The following CAB39 variants were observed in gnomAD, a reference collection of about 807,000 sequenced individuals.
CAB39 encodes calcium-binding protein 39.
In CAB39, 8 loss-of-function variants were observed where a neutral mutation model predicts 40.0. The ratio of observed to expected loss-of-function variants is 0.20; its 90% confidence interval spans 0.12 to 0.36. The LOEUF (loss-of-function observed/expected upper bound fraction) is 0.36, where lower values mean the gene tolerates loss of function less well. Among genes scored for constraint, CAB39 ranks in the 10% least tolerant of loss-of-function variants. CAB39 has a pLI of 1.00. For missense variants in CAB39, 270 were observed against 401.1 expected (o/e 0.67, Z 2.79); for synonymous variants, 156 against 141.6 (o/e 1.10, Z -0.72).
rs1696452473 is a variant in CAB39 at position 230,818,869 on chromosome 2, C to G, written c.*165C>G. ...TTTCAGTCCAGGTTGGAGATCGTAG[C>G]TGCTGCTGCTTGCACACTAGGGCAC... On this transcript the variant is annotated 3_prime_UTR_variant, in exon 9 of 9. Transcript: ENST00000258418. 3 of 568,452 alleles carry G rather than the reference C, an allele frequency of 5.3e-6. No homozygotes were observed. 35.2% of individuals were successfully genotyped at this position (568,452 alleles called of 1,614,324 possible). A position where few individuals can be genotyped will look rare whatever the true frequency, so the allele number is the denominator to read the frequency against.
intron 4 of CAB39, among the ~76,000 whole-genome samples, chr2:230,794,259 G>A (rs927818840): frequency 2.6e-5 from 4 of 152,060 alleles, no homozygotes; most frequent in Admixed American, 6.6e-5. Flanking sequence ...TGTGTTGCAC[G>A]CCAGCGTTCT....
At chr2:230,723,599 G>A (rs1407186538) in intron 1 of CAB39, among the ~76,000 whole-genome samples, 1 of 152,118 alleles carries the variant, frequency 6.6e-6, no homozygotes, top group Non-Finnish European at 1.5e-5. Context: ...CACTGTCCTT[G>A]AAGGACCATG....
intron 1 of CAB39, among the ~76,000 whole-genome samples, chr2:230,716,489 A>G (rs1694352196): frequency 1.3e-5 from 2 of 152,192 alleles, no homozygotes; most frequent in Admixed American, 6.5e-5. Flanking sequence ...TAGTAGGACG[A>G]ATTTTGTTTC....
At chr2:230,753,606 G>GC (rs942736617) in intron 1 of CAB39, among the ~76,000 whole-genome samples, 5 of 151,976 alleles carry the variant, frequency 3.3e-5, no homozygotes, top group African/African-American at 1.2e-4. Flanking sequence ...AATTAGCCAG[G>GC]CATGGTGGTA....
intron 1 of CAB39, among the ~76,000 whole-genome samples, chr2:230,717,141 A>G (rs531370018): frequency 6.6e-6 from 1 of 152,346 alleles, no homozygotes; most frequent in African/African-American, 2.4e-5. Context: ...ATTAATTTGG[A>G]TAACAGAAAA....
At chr2:230,810,120 T>A (rs930230815) in intron 5 of CAB39, 143 bp from the exon 6 acceptor site, 1 of 511,690 alleles carries the variant, frequency 2.0e-6, no homozygotes, top group African/African-American at 2.0e-5. Flanking sequence ...ATAGAATCAG[T>A]GTTTTAATAC....
chr2:230,794,181 T>G (rs1399321843), intron 4 of CAB39, among the ~76,000 whole-genome samples: 1 of 152,244 alleles, frequency 6.6e-6, no homozygotes, highest in Non-Finnish European at 1.5e-5. Flanking sequence ...CTCAGTCTGA[T>G]TCACGTCTCT....
rs150800239 is a variant in CAB39 at position 230,812,512 on chromosome 2, G to A, written c.628-1537G>A. Among the ~76,000 whole-genome samples the A allele has an allele frequency of 3.5e-3, 535 of 152,314 alleles. 2 individuals carry two copies. Among genetic ancestry groups the A allele is most frequent in the Middle Eastern group, 6.8e-3 (2 of 294 alleles). On this transcript the variant is annotated intron_variant, in intron 6 of 8. Transcript: ENST00000258418. Reference sequence around the variant, plus strand: ...CTTGCAACCAAGCTTATCCAAAGATGCAGCAGAAAATCTTAACTTGCATTT... The same window carrying A: ...CTTGCAACCAAGCTTATCCAAAGATACAGCAGAAAATCTTAACTTGCATTT...
Position 230,748,813 on chromosome 2 carries a change from GAAA to G in CAB39, c.-43-11129_-43-11127del, listed in dbSNP as rs759314442. 3.8e-3 allele frequency among the ~76,000 whole-genome samples: 122 copies of G among 31,702 alleles called. 1 individual carries two copies. Among genetic ancestry groups the G allele is most frequent in the East Asian group, 0.025 (20 of 786 alleles). 20.8% of individuals were successfully genotyped at this position (31,702 alleles called of 152,430 possible). ...TAGAGTGAGATTCTATTTCCAAAAA[GAAA>G]AAAAAAAAAAAAAAAATATATATAT... On this transcript the variant is annotated intron_variant, in intron 1 of 8. Coordinates refer to ENST00000258418, the MANE Select transcript of CAB39 (RefSeq NM_016289.4).
intron 2 of CAB39, among the ~76,000 whole-genome samples, chr2:230,788,209 T>G (rs1258870749): frequency 6.6e-6 from 1 of 152,062 alleles, no homozygotes; most frequent in Non-Finnish European, 1.5e-5. Flanking sequence ...TCTCCTTTGT[T>G]GGTTTATTAG....
intron 7 of CAB39, among the ~76,000 whole-genome samples, chr2:230,817,350 T>G (rs1474541141): frequency 6.6e-6 from 1 of 152,184 alleles, no homozygotes; most frequent in Non-Finnish European, 1.5e-5. Context: ...TTAAAAATAG[T>G]TGTTTTAAAT....
intron 2 of CAB39, among the ~76,000 whole-genome samples, chr2:230,783,369 A>G (rs1022755118): frequency 3.3e-5 from 5 of 151,906 alleles, no homozygotes; most frequent in African/African-American, 9.7e-5. Context: ...CTTCCTTTGA[A>G]CTGCAGTTAT....
intron 1 of CAB39, among the ~76,000 whole-genome samples, chr2:230,750,938 G>A (rs562866008): frequency 2.2e-4 from 34 of 152,320 alleles, no homozygotes; most frequent in East Asian, 3.9e-4. Flanking sequence ...TTTAAAACCC[G>A]TGTAATTAAC....
intron 2 of CAB39, among the ~76,000 whole-genome samples, chr2:230,767,478 C>T (rs567503170): frequency 6.6e-6 from 1 of 152,308 alleles, no homozygotes; most frequent in South Asian, 2.1e-4. Flanking sequence ...TCTTTCAAAA[C>T]ATGAGTCAAA....
chr2:230,718,786 A>C (rs1352877304), intron 1 of CAB39, among the ~76,000 whole-genome samples: 2 of 152,186 alleles, frequency 1.3e-5, no homozygotes, highest in Admixed American at 6.5e-5. Context: ...ACTGAGGCCC[A>C]CCGTAACTAG....
intron 1 of CAB39, among the ~76,000 whole-genome samples, chr2:230,729,253 GTTC>G (rs377732044): frequency 2.4e-3 from 371 of 152,286 alleles, no homozygotes; most frequent in African/African-American, 8.2e-3. Context: ...GTGTTAAACA[GTTC>G]TTCTTGTTTT....
At chr2:230,717,048 C>T (rs527591769) in intron 1 of CAB39, among the ~76,000 whole-genome samples, 21 of 152,206 alleles carry the variant, frequency 1.4e-4, no homozygotes, top group Admixed American at 9.2e-4. Flanking sequence ...ATTCATTTTC[C>T]TCTTTTTCAT....
chr2:230,744,781 A>T (rs1207119512), intron 1 of CAB39, among the ~76,000 whole-genome samples: 3 of 152,236 alleles, frequency 2.0e-5, no homozygotes, highest in Non-Finnish European at 4.4e-5. Context: ...AAAATTTGAC[A>T]ATAGTAGTAT....
intron 2 of CAB39, among the ~76,000 whole-genome samples, chr2:230,773,257 A>G (rs2124933909): frequency 6.6e-6 from 1 of 151,468 alleles, no homozygotes; most frequent in South Asian, 2.1e-4. Context: ...TTTGGTGGTT[A>G]CAGAGGTGTT....
Sources: gnomAD v4.1 joint callset for allele counts (sites outside exome capture counted in the v4.1 genomes callset) on GRCh38, gnomAD v4.1.1 for gene constraint, MANE v1.5 for transcripts, NCBI Gene and HGNC (gene_info 2026-07-23, HGNC 2026-07-21) for gene names.